SLC25A26: variants seen among roughly 807,000 people sequenced by gnomAD.
The protein encoded by SLC25A26 is solute carrier family 25 member 26, also known as mitochondrial S-adenosylmethionine carrier protein.
In SLC25A26, 36 loss-of-function variants were observed where a neutral mutation model predicts 37.8. The observed-to-expected ratio is 0.95, with a 90% CI of 0.73 to 1.26. The LOEUF (loss-of-function observed/expected upper bound fraction) is 1.26, where lower values mean the gene tolerates loss of function less well. Ranked by LOEUF, SLC25A26 falls within the 50% of genes most tolerant of loss-of-function variation. The pLI, the probability that SLC25A26 is intolerant of heterozygous loss-of-function variation, is 0.00. For synonymous variants in SLC25A26, 129 were observed against 122.5 expected, an observed-to-expected ratio of 1.05 and a Z score of -0.35; for missense variants, 390 against 331.1, an observed-to-expected ratio of 1.18 and a Z score of -1.38.
rs143488767 is a variant in SLC25A26, at chr3:66,325,895, G to A, written c.454-20469G>A. ...TTCTGGCTCTTCTGGAGAATGGATC[G>A]TGGTAGGGGAATAAAAAGAGGTTGA... is the stretch of plus-strand genomic sequence containing the variant. On this transcript the variant is annotated intron_variant, in intron 5 of 9. Transcript: ENST00000354883. 9.8e-3 allele frequency among the ~76,000 whole-genome samples: 1,491 copies of A among 152,304 alleles called. 7 individuals carry two copies. Among genetic ancestry groups the A allele is most frequent in the Middle Eastern group, 0.017 (5 of 294 alleles).
At chr3:66,233,820 A>AT (rs1447871627) in intron 1 of SLC25A26, among the ~76,000 whole-genome samples, 1 of 152,072 alleles carries the variant, frequency 6.6e-6, no homozygotes, top group Non-Finnish European at 1.5e-5. Flanking sequence ...GAATCTGGTC[A>AT]TTTTTTTCCT....
At chr3:66,148,684 G>A (rs1004733031) in intron 1 of SLC25A26, among the ~76,000 whole-genome samples, 1 of 152,158 alleles carries the variant, frequency 6.6e-6, no homozygotes, top group African/African-American at 2.4e-5. Context: ...TATTGAAAAA[G>A]GAATTAGTTT....
At chr3:66,305,954 G>C (rs892547039) in intron 5 of SLC25A26, among the ~76,000 whole-genome samples, 5 of 151,800 alleles carry the variant, frequency 3.3e-5, no homozygotes, top group African/African-American at 9.7e-5. Context: ...CCTCAACCTC[G>C]CCAGCATCTA....
At chr3:66,298,510 G>T (rs1013689637) in intron 5 of SLC25A26, among the ~76,000 whole-genome samples, 2 of 152,092 alleles carry the variant, frequency 1.3e-5, no homozygotes, top group Admixed American at 1.3e-4. Flanking sequence ...CTGATGATTT[G>T]TAATAAACAG....
chr3:66,175,549 G>T (rs1329161169), intron 1 of SLC25A26, among the ~76,000 whole-genome samples: 1 of 152,130 alleles, frequency 6.6e-6, no homozygotes, highest in Non-Finnish European at 1.5e-5. Flanking sequence ...TTAAAAAATG[G>T]CACATGTGAT....
chr3:66,271,577 C>T (rs528401469), intron 5 of SLC25A26, among the ~76,000 whole-genome samples: 5 of 152,092 alleles, frequency 3.3e-5, no homozygotes, highest in South Asian at 2.1e-4. Flanking sequence ...TTATGAGTTG[C>T]GTGGGGATTG....
intron 7 of SLC25A26, among the ~76,000 whole-genome samples, chr3:66,368,109 ATAAT>A (rs1027262862): frequency 1.8e-4 from 28 of 152,204 alleles, no homozygotes. Context: ...TTTCAGCATC[ATAAT>A]TAGATATTTG....
At chr3:66,361,079 A>G (rs1211334800) in intron 6 of SLC25A26, among the ~76,000 whole-genome samples, 1 of 152,252 alleles carries the variant, frequency 6.6e-6, no homozygotes, top group Non-Finnish European at 1.5e-5. Flanking sequence ...GAGAGTTCAG[A>G]AATAGACCCA....
At chr3:66,210,102 T>G (rs2071264754) in intron 1 of SLC25A26, among the ~76,000 whole-genome samples, 1 of 150,408 alleles carries the variant, frequency 6.6e-6, no homozygotes, top group Non-Finnish European at 1.5e-5. Context: ...TATGGCCTCC[T>G]TCACTTCCTC....
At chr3:66,217,003 A>G (rs1431762422), upstream of SLC25A26, among the ~76,000 whole-genome samples, 2 of 152,218 alleles carry the variant, frequency 1.3e-5, no homozygotes, top group Admixed American at 1.3e-4. Flanking sequence ...TTCCAGTGGT[A>G]TCATGAAATA....
At chr3:66,215,430 G>A (rs2071345902) in intron 1 of SLC25A26, among the ~76,000 whole-genome samples, 1 of 152,034 alleles carries the variant, frequency 6.6e-6, no homozygotes, top group Non-Finnish European at 1.5e-5. Context: ...TGAATTCCTG[G>A]ACTCAAGTGA....
intron 5 of SLC25A26, among the ~76,000 whole-genome samples, chr3:66,318,658 A>C (rs545010303): frequency 7.2e-4 from 108 of 149,224 alleles, no homozygotes; most frequent in Non-Finnish European, 1.1e-3. Flanking sequence ...ATTAAAAAAA[A>C]AATTTTTTTT....
chr3:66,246,574 G>A (rs1036366144), intron 3 of SLC25A26, among the ~76,000 whole-genome samples: 2 of 152,078 alleles, frequency 1.3e-5, no homozygotes, highest in African/African-American at 2.4e-5. Flanking sequence ...TTTGATATGT[G>A]GACTGTTAGG....
Position 66,255,093 on chromosome 3 carries a change from A to G in SLC25A26, c.301-6958A>G, listed in dbSNP as rs551014464. Reference sequence around the variant, plus strand: ...TAAAGTGAGGCCGAAGTTCACTGGAATTTTTTCCCTTTCAAATGTTTAGTT... The same window carrying G: ...TAAAGTGAGGCCGAAGTTCACTGGAGTTTTTTCCCTTTCAAATGTTTAGTT... On this transcript the variant is annotated intron_variant, in intron 3 of 9. Coordinates refer to ENST00000354883, the MANE Select transcript of SLC25A26 (RefSeq NM_001379210.1). Among the ~76,000 whole-genome samples the G allele has an allele frequency of 1.1e-4, 17 of 152,152 alleles. No homozygotes were observed. The South Asian group carries it at 2.9e-3, about 26-fold the overall frequency.
chr3:66,140,486 C>G lies in SLC25A26; in HGVS notation c.-354+6502C>G, dbSNP rs561180351. ...AGGTAGGCAAAATGGGATTTCTAAT[C>G]CTTCAACCAGTGCACTTCAGAAAGG... On this transcript the variant is annotated intron_variant, in intron 1 of 10. Coordinates refer to the SLC25A26 transcript ENST00000676754. Among the ~76,000 whole-genome samples the G allele has an allele frequency of 7.2e-5, 11 of 152,262 alleles. No individual in the cohort carries two copies. The South Asian group carries it at 2.3e-3, about 32-fold the overall frequency.
chr3:66,133,649 G>T (rs1488418472), exon 1 of SLC25A26: 1 of 152,174 alleles, frequency 6.6e-6, no homozygotes, highest in Non-Finnish European at 1.5e-5. Context: ...TCATCTATCA[G>T]CCCAGGGAGA....
At chr3:66,162,292 G>C (rs2070369853) in intron 1 of SLC25A26, among the ~76,000 whole-genome samples, 1 of 149,160 alleles carries the variant, frequency 6.7e-6, no homozygotes, top group African/African-American at 2.5e-5. Context: ...TCTCCAAATA[G>C]AGTCACATTC....
intron 5 of SLC25A26, among the ~76,000 whole-genome samples, chr3:66,302,718 A>G (rs767136959): frequency 6.6e-6 from 1 of 152,244 alleles, no homozygotes; most frequent in African/African-American, 2.4e-5. Flanking sequence ...TGAGCTGGGC[A>G]GGTGTGCTTG....
chr3:66,135,892 C>T (rs1239258697), intron 1 of SLC25A26, among the ~76,000 whole-genome samples: 1 of 152,174 alleles, frequency 6.6e-6, no homozygotes, highest in African/African-American at 2.4e-5. Flanking sequence ...ATTGGATATT[C>T]TTTCAATGAA....
Sources: gnomAD v4.1 joint callset for allele counts (sites outside exome capture counted in the v4.1 genomes callset) on GRCh38, gnomAD v4.1.1 for gene constraint, MANE v1.5 for transcripts, NCBI Gene and HGNC (gene_info 2026-07-23, HGNC 2026-07-21) for gene names.